The following EFCAB5 variants were observed in gnomAD, a reference collection of about 807,000 sequenced individuals.
EFCAB5 encodes EF-hand calcium binding domain 5.
EFCAB5 carries 131 observed loss-of-function variants against 167.9 expected under a neutral mutation model. That is an observed-to-expected ratio of 0.78 (90% CI 0.68 to 0.90). The LOEUF (loss-of-function observed/expected upper bound fraction) is 0.90. Among genes scored for constraint, EFCAB5 ranks in the 40% least tolerant of loss-of-function variants. EFCAB5 has a pLI of 0.00. For synonymous variants in EFCAB5, 574 were observed against 602.8 expected (o/e 0.95, Z 0.70); for missense variants, 1,663 against 1,745.2 (o/e 0.95, Z 0.84).
chr17:30,037,206 C>T (rs556558823), intron 8 of EFCAB5, among the ~76,000 whole-genome samples: 56 of 152,294 alleles, frequency 3.7e-4, no homozygotes, highest in African/African-American at 1.3e-3. Context: ...CCTGAAGATA[C>T]TCCCTTTCAC....
rs760951116 is a variant in EFCAB5 at position 29,943,651 on chromosome 17, T to G, written c.190+2T>G. 1.3e-6 allele frequency: 2 copies of G among 1,567,210 alleles called. No individual in the cohort carries two copies. The highest frequency in any genetic ancestry group is 1.4e-5 in the African/African-American group (1 of 73,858). ...CAATGGATGAAATCAAATCCCAAGG[T>G]AGAGAACTAGCCTTTCTCTTATACA... On this transcript the variant is annotated splice_donor_variant, in intron 3 of 22. Transcript: ENST00000394835. LOFTEE classifies it high-confidence loss of function.
In EFCAB5 at chr17:30,059,528, T is replaced by C. The variant is rs375328937; in HGVS notation, c.2581-17T>C. ...AACATATATCTTCCGTGCTTTATTA[T>C]CCTGTTTGTATCCTAGTTTAGCCAA... On this transcript the variant is annotated splice_polypyrimidine_tract_variant and intron_variant, in intron 13 of 22. Coordinates refer to ENST00000394835, the MANE Select transcript of EFCAB5 (RefSeq NM_198529.4). 4.6e-5 allele frequency: 74 copies of C among 1,591,808 alleles called. No homozygotes were observed. The highest frequency in any genetic ancestry group is 4.0e-4 in the Admixed American group (22 of 55,458).
chr17:29,949,306 T>C (rs2067463055), intron 3 of EFCAB5, among the ~76,000 whole-genome samples: 1 of 152,196 alleles, frequency 6.6e-6, no homozygotes, highest in African/African-American at 2.4e-5. Flanking sequence ...CCTACTTATT[T>C]AGTTGAAAGC....
At chr17:30,014,256 G>A (rs940569639) in intron 7 of EFCAB5, among the ~76,000 whole-genome samples, 1 of 152,174 alleles carries the variant, frequency 6.6e-6, no homozygotes, top group Non-Finnish European at 1.5e-5. Flanking sequence ...GTGCAATGTG[G>A]TGCTGAAAAG....
intron 20 of EFCAB5, 141 bp from the exon 21 acceptor site, chr17:30,091,730 T>G: frequency 1.1e-6 from 1 of 877,482 alleles, no homozygotes; most frequent in Non-Finnish European, 1.6e-6. Flanking sequence ...GAAACTGAGA[T>G]TGTTTAAAAC....
intron 4 of EFCAB5, among the ~76,000 whole-genome samples, chr17:29,989,668 T>A (rs2068369522): frequency 6.7e-6 from 1 of 149,798 alleles, no homozygotes; most frequent in South Asian, 2.1e-4. Flanking sequence ...TCTATTTACC[T>A]GATTTTTTCT....
chr17:30,061,628 C>T (rs1453962078), intron 14 of EFCAB5, among the ~76,000 whole-genome samples: 3 of 152,196 alleles, frequency 2.0e-5, no homozygotes, highest in South Asian at 4.1e-4. Flanking sequence ...AAGGCTGGAA[C>T]GCAGTGGCAT....
intron 22 of EFCAB5, among the ~76,000 whole-genome samples, chr17:30,106,257 A>G (rs4310926): frequency 0.45 from 68,085 of 151,318 alleles, 16,502 homozygotes; most frequent in East Asian, 0.81. Context: ...CCCTGTCTCT[A>G]TTATTAAAGA....
chr17:30,062,251 A>G (rs1476609668), intron 14 of EFCAB5, among the ~76,000 whole-genome samples: 2 of 152,228 alleles, frequency 1.3e-5, no homozygotes, highest in Non-Finnish European at 2.9e-5. Context: ...TAACTGAGGG[A>G]GAGTGCCATC....
intron 16 of EFCAB5, 85 bp from the exon 17 acceptor site, chr17:30,080,668 A>C: frequency 9.8e-7 from 1 of 1,015,330 alleles, no homozygotes; most frequent in Non-Finnish European, 1.5e-6. Context: ...CAGATTGTGA[A>C]TAGAGAATCG....
At chr17:30,049,998 G>A (rs930855048) in intron 8 of EFCAB5, among the ~76,000 whole-genome samples, 16 of 151,636 alleles carry the variant, frequency 1.1e-4, no homozygotes, top group African/African-American at 3.9e-4. Flanking sequence ...TTTTAATTAT[G>A]GTGTTTCCAT....
chr17:29,990,455 A>C (rs2068389786), intron 4 of EFCAB5, among the ~76,000 whole-genome samples: 1 of 152,166 alleles, frequency 6.6e-6, no homozygotes, highest in Non-Finnish European at 1.5e-5. Flanking sequence ...TCTGCTTTCC[A>C]GGGAACAAAA....
intron 9 of EFCAB5, among the ~76,000 whole-genome samples, chr17:30,052,936 G>A (rs2070142510): frequency 6.6e-6 from 1 of 152,154 alleles, no homozygotes; most frequent in Admixed American, 6.5e-5. Context: ...CTTATTGTAG[G>A]AGACCACAAA....
At chr17:30,053,109 C>T in intron 9 of EFCAB5, 146 bp from the exon 10 acceptor site, 2 of 910,486 alleles carry the variant, frequency 2.2e-6, no homozygotes, top group Non-Finnish European at 3.2e-6. Context: ...TATTGTGTTG[C>T]AGCCAAAGAT....
chr17:30,103,046 T>C (rs980190772), intron 22 of EFCAB5, among the ~76,000 whole-genome samples: 1 of 151,936 alleles, frequency 6.6e-6, no homozygotes, highest in Non-Finnish European at 1.5e-5. Flanking sequence ...TTGCCCAGGC[T>C]GGTTTTGAAC....
At position 30,053,017 on chromosome 17, in the gene EFCAB5, T is replaced by G. The variant is rs77807091; in HGVS notation, c.1301-238T>G. 4.1e-3 allele frequency among the ~76,000 whole-genome samples: 628 copies of G among 152,320 alleles called. 5 individuals carry two copies. Among genetic ancestry groups the G allele is most frequent in the African/African-American group, 0.014 (596 of 41,578 alleles). On this transcript the variant is annotated intron_variant, in intron 9 of 22. Transcript: ENST00000394835. ...CAAGTAGCAAAAGGAGAATCCTATT[T>G]ATTTCCAAAATCACACCTTTTAGGA...
At chr17:30,102,083 A>G (rs2151860092) in intron 22 of EFCAB5, among the ~76,000 whole-genome samples, 1 of 152,280 alleles carries the variant, frequency 6.6e-6, no homozygotes, top group Non-Finnish European at 1.5e-5. Context: ...AAGAGGACAG[A>G]GAACATGGGT....
rs552804147 is a variant in EFCAB5 at position 29,991,356 on chromosome 17, G to A, written c.768-1809G>A. On this transcript the variant is annotated intron_variant, in intron 4 of 22. Coordinates refer to ENST00000394835, the MANE Select transcript of EFCAB5 (RefSeq NM_198529.4). ...TAGAGTGTGGAGTGGGAAATCAGGG[G>A]GCTGACAGCCTTCAGAGCTGAGAGC... 3.9e-4 allele frequency among the ~76,000 whole-genome samples: 60 copies of A among 152,266 alleles called. 1 individual carries two copies. The highest frequency in any genetic ancestry group is 1.4e-3 in the African/African-American group (59 of 41,570).
rs1362762816 is a variant in EFCAB5 at position 29,941,725 on chromosome 17, C to A, written c.-72C>A. On this transcript the variant is annotated 5_prime_UTR_variant, in exon 1 of 23. Transcript: ENST00000394835. The stretch of plus-strand genomic sequence containing the variant: ...ACTTTGTGATGTTTATTAATATTTT[C>A]TTTCTTTTTGTTATTAATACTGGTC... 2.9e-6 allele frequency: 4 copies of A among 1,359,584 alleles called. No homozygotes were observed. Among genetic ancestry groups the A allele is most frequent in the African/African-American group, 1.5e-5 (1 of 67,618 alleles). The allele number at this position is 1,359,584 out of a possible 1,614,324, so 84.2% of individuals were successfully genotyped here.
Sources: allele counts gnomAD v4.1 joint callset (sites outside exome capture counted in the v4.1 genomes callset), GRCh38; gene constraint gnomAD v4.1.1; transcripts MANE v1.5; gene names NCBI Gene and HGNC (gene_info 2026-07-23, HGNC 2026-07-21).